Variants in XKR4 observed in about 807,000 individuals in gnomAD.
XKR4 encodes the protein XK-related protein 4.
Under a neutral mutation model 53.9 loss-of-function variants are expected in XKR4, and 12 were observed. The ratio of observed to expected loss-of-function variants is 0.22; its 90% CI spans 0.14 to 0.36. XKR4 has a LOEUF of 0.36. Among genes scored for constraint, XKR4 ranks in the 10% least tolerant of loss-of-function variants. The probability of loss-of-function intolerance (pLI) is 1.00; values close to 1 mark genes in which losing one functional copy is unlikely to be tolerated. For synonymous variants in XKR4, 354 were observed against 362.4 expected (o/e 0.98, Z 0.26); for missense variants, 799 against 859.5 (o/e 0.93, Z 0.88).
chr8:55,212,021 G>A lies in XKR4; in HGVS notation c.806+108727G>A, dbSNP rs117688012. ...AGGCCCCAAGGGGGTGGAGGGGCAGGGAGCTTCCAGGTCATAGGTGGATTC... is the reference window on the plus strand; with the variant it reads ...AGGCCCCAAGGGGGTGGAGGGGCAGAGAGCTTCCAGGTCATAGGTGGATTC... On this transcript the variant is annotated intron_variant, in intron 1 of 2. Transcript: ENST00000327381. 8.7e-3 allele frequency among the ~76,000 whole-genome samples: 1,318 copies of A among 152,202 alleles called. 13 individuals are homozygous for A. The highest frequency in any genetic ancestry group is 0.031 in the Middle Eastern group (9 of 294).
intron 2 of XKR4, among the ~76,000 whole-genome samples, chr8:55,522,639 A>C (rs1157212169): frequency 2.0e-5 from 3 of 152,210 alleles, no homozygotes; most frequent in African/African-American, 7.2e-5. Context: ...TTTGGAGATC[A>C]CACACTTTAT....
intron 2 of XKR4, among the ~76,000 whole-genome samples, chr8:55,456,790 T>C (rs1805576086): frequency 6.6e-6 from 1 of 152,132 alleles, no homozygotes; most frequent in Non-Finnish European, 1.5e-5. Context: ...TAGGGCAATG[T>C]TAAGCCTACC....
chr8:55,135,257 T>C (rs2129353495), intron 1 of XKR4: 1 of 172,218 alleles, frequency 5.8e-6, no homozygotes, highest in Admixed American at 5.6e-5. Flanking sequence ...TTCTATATTA[T>C]TTCTTTTTTA....
chr8:55,508,861 C>T (rs768302121), intron 2 of XKR4, among the ~76,000 whole-genome samples: 1 of 152,232 alleles, frequency 6.6e-6, no homozygotes, highest in Non-Finnish European at 1.5e-5. Flanking sequence ...TACAGACTGC[C>T]TGGGACAGGG....
intron 2 of XKR4, among the ~76,000 whole-genome samples, chr8:55,461,550 C>T (rs1277982751): frequency 2.0e-5 from 3 of 152,196 alleles, no homozygotes; most frequent in African/African-American, 7.2e-5. Context: ...AAACCAGAAA[C>T]TCTAAAAATC....
Position 55,536,504 on chromosome 8 carries a change from C to T in XKR4, c.*12277C>T, listed in dbSNP as rs1468482189. 6.6e-6 allele frequency: 1 copy of T among 152,194 alleles called. No homozygotes were observed. The highest frequency in any genetic ancestry group is 2.4e-5 in the African/African-American group (1 of 41,446). 9.4% of individuals were successfully genotyped at this position (152,194 alleles called of 1,614,324 possible). On this transcript the variant is annotated 3_prime_UTR_variant, in exon 3 of 3. Coordinates refer to ENST00000327381, the MANE Select transcript of XKR4 (RefSeq NM_052898.2). The stretch of plus-strand genomic sequence containing the variant: ...TCACTCAAGTGGTAAATTTGGTCTT[C>T]ATGATATCAAACATACGGATATTTG...
intron 2 of XKR4, among the ~76,000 whole-genome samples, chr8:55,371,486 A>T (rs1486969125): frequency 6.6e-6 from 1 of 152,188 alleles, no homozygotes; most frequent in Non-Finnish European, 1.5e-5. Flanking sequence ...CTGTCTTTGC[A>T]TTGTTCAATA....
intron 2 of XKR4, among the ~76,000 whole-genome samples, chr8:55,516,444 G>T (rs7839596): frequency 0.049 from 7,475 of 152,212 alleles, 600 homozygotes; most frequent in African/African-American, 0.17. Context: ...AAAACTACTT[G>T]TGAGAAGATA....
intron 1 of XKR4, among the ~76,000 whole-genome samples, chr8:55,281,239 T>C (rs959294800): frequency 2.0e-5 from 3 of 152,272 alleles, no homozygotes; most frequent in African/African-American, 7.2e-5. Flanking sequence ...TTACTAGTGA[T>C]ATTTCATAGC....
At chr8:55,376,954 T>TCACACACA (rs59737150) in intron 2 of XKR4, among the ~76,000 whole-genome samples, 3,338 of 145,448 alleles carry the variant, frequency 0.023, 131 homozygotes, top group African/African-American at 0.078. Flanking sequence ...AAACACACAC[T>TCACACACA]CACACACACA....
At chr8:55,366,024 C>T (rs1333848240) in intron 2 of XKR4, among the ~76,000 whole-genome samples, 1 of 152,228 alleles carries the variant, frequency 6.6e-6, no homozygotes, top group Non-Finnish European at 1.5e-5. Flanking sequence ...CTGCTGCTGC[C>T]TCCCCTGGGC....
At chr8:55,458,539 T>C (rs922999679) in intron 2 of XKR4, among the ~76,000 whole-genome samples, 2 of 152,208 alleles carry the variant, frequency 1.3e-5, no homozygotes, top group Admixed American at 1.3e-4. Context: ...TTGTCCAGCA[T>C]CCAGGAGGAG....
intron 1 of XKR4, among the ~76,000 whole-genome samples, chr8:55,198,845 C>A (rs375598551): frequency 6.6e-6 from 1 of 152,152 alleles, no homozygotes; most frequent in African/African-American, 2.4e-5. Context: ...ACTGACCCCC[C>A]ACTTTGTTAT....
At chr8:55,342,648 T>A (rs1803571900) in intron 1 of XKR4, among the ~76,000 whole-genome samples, 2 of 152,074 alleles carry the variant, frequency 1.3e-5, no homozygotes, top group Non-Finnish European at 2.9e-5. Flanking sequence ...TCCTGTTCAT[T>A]CTGCCTGGAA....
intron 1 of XKR4, among the ~76,000 whole-genome samples, chr8:55,254,072 C>G (rs920500963): frequency 6.6e-6 from 1 of 151,792 alleles, no homozygotes; most frequent in Admixed American, 6.6e-5. Context: ...TGTGCTTGGT[C>G]GTATTTTTCT....
Position 55,289,699 on chromosome 8 carries a change from A to AAGAAAGAAAGAAAGAAAG in XKR4, c.807-67964_807-67963insAAGAGAAAGAAAGAAAGA, listed in dbSNP as rs1563316566. 1.7e-3 allele frequency among the ~76,000 whole-genome samples: 209 copies of AAGAAAGAAAGAAAGAAAG among 125,690 alleles called. 2 individuals are homozygous for AAGAAAGAAAGAAAGAAAG. Among genetic ancestry groups the AAGAAAGAAAGAAAGAAAG allele is most frequent in the African/African-American group, 5.3e-3 (193 of 36,268 alleles). The allele number at this position is 125,690 out of a possible 152,430, so 82.5% of individuals were successfully genotyped here. A position where few individuals can be genotyped will look rare whatever the true frequency, so the allele number is the denominator to read the frequency against. ...AAAGAGAAAGAAAGAAAGAAAGAGA[A>AAGAAAGAAAGAAAGAAAG]AGAAAGAAAGAAAGAGAGAGAAAGA... On this transcript the variant is annotated intron_variant, in intron 1 of 2. Coordinates refer to ENST00000327381, the MANE Select transcript of XKR4 (RefSeq NM_052898.2).
intron 2 of XKR4, among the ~76,000 whole-genome samples, chr8:55,457,536 T>C (rs2129397381): frequency 6.6e-6 from 1 of 152,246 alleles, no homozygotes; most frequent in East Asian, 1.9e-4. Context: ...TCCAAGTAAA[T>C]GAAAACTGAG....
In XKR4 at chr8:55,235,715, C is replaced by T. The variant is rs1240777417; in HGVS notation, c.807-121963C>T. ...GTTCAGACCTGAAGGCAAAGCTTGGCATGAAATGACGCTGCAGCAATAGAA... is the reference window on the plus strand; with the variant it reads ...GTTCAGACCTGAAGGCAAAGCTTGGTATGAAATGACGCTGCAGCAATAGAA... On this transcript the variant is annotated intron_variant, in intron 1 of 2. Coordinates refer to ENST00000327381, the MANE Select transcript of XKR4 (RefSeq NM_052898.2). 2.6e-5 allele frequency among the ~76,000 whole-genome samples: 4 copies of T among 152,078 alleles called. No individual in the cohort carries two copies. The East Asian group carries it at 7.7e-4, about 29-fold the overall frequency.
chr8:55,195,370 A>G (rs1329481885), intron 1 of XKR4, among the ~76,000 whole-genome samples: 1 of 140,860 alleles, frequency 7.1e-6, no homozygotes, highest in Non-Finnish European at 1.6e-5. Context: ...TTGTATACAT[A>G]CCTTTTATTT....
Sources: allele counts gnomAD v4.1 joint callset (sites outside exome capture counted in the v4.1 genomes callset), GRCh38; gene constraint gnomAD v4.1.1; transcripts MANE v1.5; gene names NCBI Gene and HGNC (gene_info 2026-07-23, HGNC 2026-07-21).